The following FBXL7 variants were observed in gnomAD, a reference collection of about 807,000 sequenced individuals.
FBXL7 encodes the protein F-box and leucine rich repeat protein 7, also known as F-box/LRR-repeat protein 7.
FBXL7 carries 12 observed loss-of-function variants against 38.3 expected under a neutral mutation model. The ratio of observed to expected loss-of-function variants is 0.31; its 90% CI spans 0.20 to 0.51. The LOEUF (loss-of-function observed/expected upper bound fraction) is 0.51, where lower values mean the gene tolerates loss of function less well. FBXL7 is among the 20% of genes least tolerant of loss of function. The pLI, the probability that FBXL7 is intolerant of heterozygous loss-of-function variation, is 0.98. For synonymous variants in FBXL7, 297 were observed against 300.9 expected, an observed-to-expected ratio of 0.99 and a Z score of 0.13; for missense variants, 567 against 676.4, an observed-to-expected ratio of 0.84 and a Z score of 1.79.
intron 2 of FBXL7, among the ~76,000 whole-genome samples, chr5:15,666,497 A>G (rs1310206934): frequency 6.6e-6 from 1 of 152,230 alleles, no homozygotes; most frequent in Non-Finnish European, 1.5e-5. Context: ...TTCAACTTAT[A>G]GACACTTTCA....
At chr5:15,598,612 T>C (rs60388071) in intron 1 of FBXL7, among the ~76,000 whole-genome samples, 89 of 152,266 alleles carry the variant, frequency 5.8e-4, no homozygotes, top group African/African-American at 2.1e-3. Flanking sequence ...TTTTTTGTCA[T>C]TGTTTTGCCA....
At chr5:15,726,876 A>G (rs905535718) in intron 2 of FBXL7, among the ~76,000 whole-genome samples, 1 of 151,694 alleles carries the variant, frequency 6.6e-6, no homozygotes, top group African/African-American at 2.4e-5. Context: ...TTTGTTTTCT[A>G]CATGCCATAT....
At chr5:15,501,857 TGC>T in intron 1 of FBXL7, 1 of 411,268 alleles carries the variant, frequency 2.4e-6, no homozygotes. Flanking sequence ...CTTCCATATG[TGC>T]ATGTGTATGT....
At chr5:15,631,017 A>C (rs954003953) in intron 2 of FBXL7, among the ~76,000 whole-genome samples, 3 of 152,112 alleles carry the variant, frequency 2.0e-5, no homozygotes, top group Non-Finnish European at 4.4e-5. Flanking sequence ...TTATAATCTA[A>C]TCACAGCCAC....
chr5:15,845,237 T>G (rs193298451), intron 2 of FBXL7, among the ~76,000 whole-genome samples: 182 of 152,342 alleles, frequency 1.2e-3, no homozygotes, highest in African/African-American at 4.2e-3. Flanking sequence ...CTGGTAATGG[T>G]TATTTCTGTG....
chr5:15,791,201 C>T (rs1737268715), intron 2 of FBXL7, among the ~76,000 whole-genome samples: 1 of 152,112 alleles, frequency 6.6e-6, no homozygotes, highest in South Asian at 2.1e-4. Flanking sequence ...CAGTGTCAAG[C>T]TCTTACTTAG....
intron 2 of FBXL7, among the ~76,000 whole-genome samples, chr5:15,625,565 A>G (rs1199097350): frequency 1.3e-5 from 2 of 152,148 alleles, no homozygotes; most frequent in African/African-American, 2.4e-5. Flanking sequence ...GAGGCCCAGT[A>G]ATCCCTTGAA....
intron 2 of FBXL7, among the ~76,000 whole-genome samples, chr5:15,676,711 A>G (rs1045361223): frequency 6.6e-6 from 1 of 152,162 alleles, no homozygotes; most frequent in Non-Finnish European, 1.5e-5. Flanking sequence ...ATAGGTGGCC[A>G]TGCTGCAGGG....
chr5:15,721,475 C>T (rs890787951), intron 2 of FBXL7, among the ~76,000 whole-genome samples: 1 of 152,076 alleles, frequency 6.6e-6, no homozygotes, highest in Non-Finnish European at 1.5e-5. Context: ...CTTTGTGGGG[C>T]CTATCTTCTC....
At chr5:15,875,299 C>T (rs184185363) in intron 2 of FBXL7, among the ~76,000 whole-genome samples, 57 of 152,292 alleles carry the variant, frequency 3.7e-4, no homozygotes, top group Non-Finnish European at 5.9e-4. Flanking sequence ...AGATCTAAAA[C>T]CATAAAAACC....
At position 15,611,311 on chromosome 5, in the gene FBXL7, C is replaced by CTTT. The variant is rs61608325; in HGVS notation, c.38-4657_38-4655dup. On this transcript the variant is annotated intron_variant, in intron 1 of 3. Coordinates refer to ENST00000504595, the MANE Select transcript of FBXL7 (RefSeq NM_012304.5). ...TCTTTTTGGGGTCCATGTTTTGCCA[C>CTTT]TTTTTTTTTTTTTTTTTGCTTTTTG... is the stretch of plus-strand genomic sequence containing the variant. 1.6e-4 allele frequency among the ~76,000 whole-genome samples: 20 copies of CTTT among 128,174 alleles called. No homozygotes were observed. The East Asian group carries it at 1.9e-3, about 12-fold the overall frequency. 84.1% of individuals were successfully genotyped at this position (128,174 alleles called of 152,430 possible). A position where few individuals can be genotyped will look rare whatever the true frequency, so the allele number is the denominator to read the frequency against.
chr5:15,776,437 C>CT (rs1736859510), intron 2 of FBXL7, among the ~76,000 whole-genome samples: 1 of 151,996 alleles, frequency 6.6e-6, no homozygotes, highest in Non-Finnish European at 1.5e-5. Flanking sequence ...TGCCAAAACT[C>CT]TTAAGGAAAA....
At chr5:15,795,003 C>T (rs1009350575) in intron 2 of FBXL7, among the ~76,000 whole-genome samples, 2 of 152,166 alleles carry the variant, frequency 1.3e-5, no homozygotes, top group Non-Finnish European at 2.9e-5. Flanking sequence ...GCATGAACTG[C>T]TTATGAAACT....
chr5:15,913,792 G>GAAAGAGCTGGCTCCTTTC (rs1258040061), intron 2 of FBXL7, among the ~76,000 whole-genome samples: 2 of 152,162 alleles, frequency 1.3e-5, no homozygotes, highest in Non-Finnish European at 2.9e-5. Context: ...GTCAAGACAA[G>GAAAGAGCTGGCTCCTTTC]AAAGAGCTGG....
intron 2 of FBXL7, among the ~76,000 whole-genome samples, chr5:15,686,494 C>A (rs991153703): frequency 4.6e-5 from 7 of 152,146 alleles, no homozygotes; most frequent in African/African-American, 1.7e-4. Context: ...TGTTTGGAAA[C>A]CCTCTTATCT....
At chr5:15,548,850 G>A (rs902813177) in intron 1 of FBXL7, among the ~76,000 whole-genome samples, 1 of 152,194 alleles carries the variant, frequency 6.6e-6, no homozygotes, top group Non-Finnish European at 1.5e-5. Flanking sequence ...TTTTACATAA[G>A]ATAACAGAGG....
chr5:15,502,180 C>T lies in FBXL7; in HGVS notation c.37+1467C>T, dbSNP rs549897515. Among the ~76,000 whole-genome samples, 120 of 152,148 alleles carry T rather than the reference C, an allele frequency of 7.9e-4. No homozygotes were observed. The South Asian group carries it at 0.014, about 18-fold the overall frequency. On this transcript the variant is annotated intron_variant, in intron 1 of 3. Transcript: ENST00000504595. ...TGGGTGTATGCTAGTTGAACACTGT[C>T]GGGGGGAGAAAGACAGCCCAAGGGG...
chr5:15,813,819 G>GA (rs1285182883), intron 2 of FBXL7, among the ~76,000 whole-genome samples: 3 of 151,726 alleles, frequency 2.0e-5, no homozygotes, highest in East Asian at 1.9e-4. Flanking sequence ...CAACAAACAT[G>GA]AAAAAAAAGC....
intron 1 of FBXL7, among the ~76,000 whole-genome samples, chr5:15,548,992 GT>G (rs1332396762): frequency 1.3e-5 from 2 of 152,156 alleles, no homozygotes; most frequent in African/African-American, 2.4e-5. Flanking sequence ...ACACCTTAGG[GT>G]AAAGATCTTG....
Sources: gnomAD v4.1 joint callset for allele counts (sites outside exome capture counted in the v4.1 genomes callset) on GRCh38, gnomAD v4.1.1 for gene constraint, MANE v1.5 for transcripts, NCBI Gene and HGNC (gene_info 2026-07-23, HGNC 2026-07-21) for gene names.